Variants in PCDH1 observed in about 807,000 individuals in gnomAD.
The protein encoded by PCDH1 is protocadherin 1.
In PCDH1, 23 loss-of-function variants were observed where a neutral mutation model predicts 74.6. That is an observed-to-expected ratio of 0.31 (90% CI 0.22 to 0.44). The LOEUF (loss-of-function observed/expected upper bound fraction) is 0.44, where lower values mean the gene tolerates loss of function less well. Among genes scored for constraint, PCDH1 ranks in the 20% least tolerant of loss-of-function variants. The pLI, the probability that PCDH1 is intolerant of heterozygous loss-of-function variation, is 1.00. For missense variants in PCDH1, 1,214 were observed against 1,641.4 expected, an observed-to-expected ratio of 0.74 and a Z score of 4.50; for synonymous variants, 647 against 686.1, an observed-to-expected ratio of 0.94 and a Z score of 0.89.
At chr5:141,862,109 C>A (rs759432354) in intron 3 of PCDH1, among the ~76,000 whole-genome samples, 1 of 152,100 alleles carries the variant, frequency 6.6e-6, no homozygotes, top group South Asian at 2.1e-4. Context: ...GGAGGGCCAG[C>A]GAATTGCTGG....
At chr5:141,870,494 G>A (rs960151092) in intron 1 of PCDH1, among the ~76,000 whole-genome samples, 1 of 152,158 alleles carries the variant, frequency 6.6e-6, no homozygotes, top group African/African-American at 2.4e-5. Context: ...CTGGGACAGA[G>A]CTGCCGATGA....
chr5:141,857,299 C>T lies in PCDH1; in HGVS notation c.3272G>A (p.Arg1091His). 2 of 1,611,406 alleles carry T rather than the reference C, an allele frequency of 1.2e-6. No homozygotes were observed. The highest frequency in any genetic ancestry group is 1.7e-6 in the Non-Finnish European group (2 of 1,179,084). ...TCCTATGCTGCCATCAGGGGTGGTGCGCTCATAGTGATCCTCAGGCAGGGC... is the reference window on the plus strand; with the variant it reads ...TCCTATGCTGCCATCAGGGGTGGTGTGCTCATAGTGATCCTCAGGCAGGGC... ...PLALPEDHYE[R>H]TTPDGSIGEM... Residue 1091 changes from arginine (R) to histidine (H), a missense_variant, in exon 4 of 5, where the codon CGC becomes CAC. Around this residue, in one of 4 missense-constraint regions of PCDH1, gnomAD observed 836 missense variants for 1,182.2 expected, o/e 0.71. Transcript: ENST00000287008.
intron 1 of PCDH1, among the ~76,000 whole-genome samples, chr5:141,875,243 A>G (rs1753191486): frequency 6.6e-6 from 1 of 152,074 alleles, no homozygotes; most frequent in South Asian, 2.1e-4. Context: ...TTTTATTTCC[A>G]GCATCGGGCA....
At chr5:141,860,087 G>A (rs1752506363) in intron 3 of PCDH1, among the ~76,000 whole-genome samples, 3 of 152,022 alleles carry the variant, frequency 2.0e-5, no homozygotes, top group Admixed American at 1.3e-4. Context: ...CCCTAATCCT[G>A]CTCATCATTG....
Position 141,869,174 on chromosome 5 carries a change from G to T in PCDH1, c.298C>A (p.Arg100Ser). Residue 100 changes from arginine (R) to serine (S), a missense_variant, in exon 2 of 5, where the codon CGC (arginine) becomes AGC (serine). Around this residue, in one of 4 missense-constraint regions of PCDH1, gnomAD observed 97 missense variants for 173.2 expected, o/e 0.56. Transcript: ENST00000287008. The surrounding 1 kb of genome is among the most constrained non-coding windows in gnomAD (Gnocchi z 4.9). Reference protein sequence around the residue: ...YKLEVGAPYLRVDGKTGDIFT... With the variant: ...YKLEVGAPYLSVDGKTGDIFT... Reference sequence around the variant, plus strand: ...ATGTCACCTGTCTTGCCATCCACGCGAAGGTACGGGGCACCCACCTCTAGC... The same window carrying T: ...ATGTCACCTGTCTTGCCATCCACGCTAAGGTACGGGGCACCCACCTCTAGC... The T allele has an allele frequency of 6.2e-7, 1 of 1,614,006 alleles. No homozygotes were observed. Among genetic ancestry groups the T allele is most frequent in the Admixed American group, 1.7e-5 (1 of 59,994 alleles).
At position 141,868,690 on chromosome 5, in the gene PCDH1, G is replaced by A; in HGVS notation, c.782C>T (p.Ala261Val). 6.2e-7 allele frequency: 1 copy of A among 1,613,682 alleles called. No homozygotes were observed. Among genetic ancestry groups the A allele is most frequent in the Non-Finnish European group, 8.5e-7 (1 of 1,179,734 alleles). The stretch of plus-strand genomic sequence containing the variant: ...GGTGACACGCAGCAGGGCACTGCTG[G>A]CGCGTGGGGGGCTGCCGCCATCCTG... ...KVQDGGSPPR[A>V]SSALLRVTVL... The change falls in exon 2 of 5, where the codon GCC becomes GTC. Residue 261 changes from alanine (A) to valine (V), a missense_variant. Around this residue, in one of 4 missense-constraint regions of PCDH1, gnomAD observed 836 missense variants for 1,182.2 expected, o/e 0.71. Transcript: ENST00000287008. This position sits in a 1 kb window ranked among gnomAD's most constrained non-coding sequence, Gnocchi z 4.8.
Position 141,854,059 on chromosome 5 carries a change from G to A in PCDH1, c.3697C>T (p.Arg1233Cys), listed in dbSNP as rs1596541907. The change falls in exon 5 of 5, where the codon CGC becomes TGC. Residue 1233 changes from arginine to cysteine, a missense_variant. Coordinates refer to ENST00000287008, the MANE Select transcript of PCDH1 (RefSeq NM_032420.5). ...TAGGGGGCTCACAGGTAGATCTCGC[G>A]CTTGGCCGTCTGGGCAGATGCCGGT... is the stretch of plus-strand genomic sequence containing the variant. Reference protein sequence around the residue: ...ATPASAQTAKREIYL With the variant: ...ATPASAQTAKCEIYL 3.3e-6 allele frequency: 5 copies of A among 1,508,334 alleles called. No individual in the cohort carries two copies. The highest frequency in any genetic ancestry group is 1.4e-5 in the African/African-American group (1 of 71,582). 93.4% of individuals were successfully genotyped at this position (1,508,334 alleles called of 1,614,324 possible).
intron 3 of PCDH1, among the ~76,000 whole-genome samples, chr5:141,857,819 T>C (rs1425397030): frequency 5.9e-5 from 9 of 152,296 alleles, no homozygotes; most frequent in Admixed American, 3.9e-4. Context: ...CTTCCCAATA[T>C]TGGCACAGCC....
At chr5:141,855,954 A>ACCCCC (rs34330177) in intron 4 of PCDH1, among the ~76,000 whole-genome samples, 2 of 148,822 alleles carry the variant, frequency 1.3e-5, no homozygotes, top group Non-Finnish European at 3.0e-5. Flanking sequence ...CCAGGCAGTG[A>ACCCCC]CCCCCCCCCA....
At chr5:141,871,692 G>A (rs535985509) in intron 1 of PCDH1, among the ~76,000 whole-genome samples, 5 of 152,240 alleles carry the variant, frequency 3.3e-5, no homozygotes, top group Non-Finnish European at 7.3e-5. Context: ...CCAAGATGGT[G>A]AGCAGAAAGC....
chr5:141,858,225 G>A (rs1023323064), intron 3 of PCDH1, among the ~76,000 whole-genome samples: 1 of 152,146 alleles, frequency 6.6e-6, no homozygotes, highest in Non-Finnish European at 1.5e-5. Flanking sequence ...CCCCTCCAGA[G>A]AGGCCTGGGA....
At chr5:141,875,598 C>A (rs1753204528) in intron 1 of PCDH1, among the ~76,000 whole-genome samples, 1 of 152,036 alleles carries the variant, frequency 6.6e-6, no homozygotes, top group African/African-American at 2.4e-5. Context: ...GCAGAAGTAG[C>A]CACAGCAGCA....
chr5:141,861,984 C>G (rs933306035), intron 3 of PCDH1, among the ~76,000 whole-genome samples: 4 of 151,864 alleles, frequency 2.6e-5, no homozygotes, highest in Non-Finnish European at 5.9e-5. Flanking sequence ...CAGGGAACCC[C>G]CTAAGAGTGG....
At chr5:141,859,535 C>A (rs1173852478) in intron 3 of PCDH1, among the ~76,000 whole-genome samples, 1 of 152,152 alleles carries the variant, frequency 6.6e-6, no homozygotes, top group East Asian at 1.9e-4. Context: ...ATGTCTGAAA[C>A]CAAATGCTTC....
At chr5:141,857,150 C>A in intron 4 of PCDH1, 102 bp downstream of exon 4, 7 of 920,824 alleles carry the variant, frequency 7.6e-6, no homozygotes, top group Non-Finnish European at 1.1e-5. Flanking sequence ...GATGACTGAG[C>A]ACATAATAAC....
rs747740738 is a variant in PCDH1, at chr5:141,864,786, G to A, written c.1545C>T (p.Phe515=). The change falls in exon 3 of 5, where the codon TTC becomes TTT. Residue 515 remains phenylalanine (F), a synonymous_variant. Coordinates refer to ENST00000287008, the MANE Select transcript of PCDH1 (RefSeq NM_032420.5). This position sits in a 1 kb window ranked among gnomAD's most constrained non-coding sequence, Gnocchi z 5.9. The part of the protein sequence containing the change: ...VFTQSVTEVA[F]PENNKPGEVI... ...CTTCACCAGGCTTGTTGTTTTCCGG[G>A]AAGGCGACCTCAGTGACACTCTGAG... The A allele has an allele frequency of 6.2e-7, 1 of 1,614,124 alleles. No homozygotes were observed. Among genetic ancestry groups the A allele is most frequent in the East Asian group, 2.2e-5 (1 of 44,884 alleles).
chr5:141,857,546 C>T (rs959754003), intron 3 of PCDH1, 75 bp from the exon 4 acceptor site: 140 of 1,267,510 alleles, frequency 1.1e-4, no homozygotes, highest in African/African-American at 2.4e-4. Context: ...GGCCCTAGTA[C>T]AAGCCAAGCA....
Position 141,865,448 on chromosome 5 carries a change from A to G in PCDH1, c.904-21T>C, listed in dbSNP as rs199542872. On this transcript the variant is annotated intron_variant, in intron 2 of 4. Coordinates refer to ENST00000287008, the MANE Select transcript of PCDH1 (RefSeq NM_032420.5). This position sits in a 1 kb window ranked among gnomAD's most constrained non-coding sequence, Gnocchi z 4.4. ...TTCACCTATAGGGCAGGAGAGAAAA[A>G]CAAGGAGAACAGAGATGGTTTAGAT... 4.4e-6 allele frequency: 7 copies of G among 1,602,206 alleles called. No individual in the cohort carries two copies. The highest frequency in any genetic ancestry group is 5.1e-6 in the Non-Finnish European group (6 of 1,175,082).
rs1054318322 is a variant in PCDH1 at position 141,865,846 on chromosome 5, G to A, written c.904-419C>T. Among the ~76,000 whole-genome samples, 7 of 152,176 alleles carry A rather than the reference G, an allele frequency of 4.6e-5. No individual in the cohort carries two copies. The highest frequency in any genetic ancestry group is 2.1e-4 in the South Asian group (1 of 4,830). On this transcript the variant is annotated intron_variant, in intron 2 of 4. Transcript: ENST00000287008. The surrounding 1 kb of genome is among the most constrained non-coding windows in gnomAD (Gnocchi z 4.4). ...ATGGAGAGGTGCGAGTAGTAGAGGC[G>A]GTGTGTGTGCCCGTGTGAATGTGCA...
Sources: gnomAD v4.1 joint callset for allele counts (sites outside exome capture counted in the v4.1 genomes callset) on GRCh38, gnomAD v4.1.1 for gene constraint, gnomAD v4.1.1 regional missense constraint, Gnocchi (gnomAD v3.1) non-coding constraint, MANE v1.5 for transcripts, NCBI Gene and HGNC (gene_info 2026-07-23, HGNC 2026-07-21) for gene names.